Variants in SLC9A6 observed in about 807,000 individuals in gnomAD.
SLC9A6 encodes solute carrier family 9 member A6.
SLC9A6 carries 6 observed loss-of-function variants against 45.3 expected under a neutral mutation model. The ratio of observed to expected loss-of-function variants is 0.13; its 90% confidence interval spans 0.07 to 0.26. The LOEUF is 0.26. SLC9A6 is among the 10% of genes least tolerant of loss of function. The probability of loss-of-function intolerance (pLI) is 1.00; values close to 1 mark genes in which losing one functional copy is unlikely to be tolerated. For missense variants in SLC9A6, 278 were observed against 503.7 expected, an observed-to-expected ratio of 0.55 and a Z score of 4.29; for synonymous variants, 191 against 187.7, an observed-to-expected ratio of 1.02 and a Z score of -0.14.
intron 15 of SLC9A6, 117 bp downstream of exon 15, chrX:136,030,279 C>A: frequency 1.3e-6 from 1 of 752,005 alleles, no homozygotes; most frequent in Non-Finnish European, 2.1e-6. Flanking sequence ...TTTGCCTCAG[C>A]TTTGGAGGAA....
Position 136,046,410 on chromosome X carries a change from G to A in SLC9A6, c.*1686G>A, listed in dbSNP as rs1374852184. 8.9e-6 allele frequency: 1 copy of A among 112,675 alleles called. No homozygotes were observed. The highest frequency in any genetic ancestry group is 1.9e-5 in the Non-Finnish European group (1 of 53,305). 9.3% of individuals were successfully genotyped at this position (112,675 alleles called of 1,213,427 possible). The stretch of plus-strand genomic sequence containing the variant: ...GCTATGCAGGAATCCCTCCCATGAC[G>A]TGTATGTTTTACATGATGTGTGCCT... On this transcript the variant is annotated 3_prime_UTR_variant, in exon 18 of 18. Coordinates refer to ENST00000630721, the MANE Select transcript of SLC9A6 (RefSeq NM_001379110.1).
At chrX:136,036,773 T>A (rs782209968) in intron 16 of SLC9A6, among the ~76,000 whole-genome samples, 6 of 113,117 alleles carry the variant, frequency 5.3e-5, no homozygotes, top group South Asian at 7.3e-4. Flanking sequence ...GTTTTCTGTG[T>A]CTTAAGAAAT....
intron 2 of SLC9A6, among the ~76,000 whole-genome samples, chrX:135,990,796 TAAAAA>T (rs199753534): frequency 8.2e-5 from 9 of 109,198 alleles, no homozygotes; most frequent in African/African-American, 2.7e-4. Context: ...ATAAATAAAA[TAAAAA>T]AAAAGAACCA....
At chrX:135,973,995 C>A, upstream of SLC9A6, 1 of 878,587 alleles carries the variant, frequency 1.1e-6, no homozygotes, top group Non-Finnish European at 1.5e-6. Flanking sequence ...AGAGGAAGGG[C>A]GCCGGCAAAT....
intron 12 of SLC9A6, 36 bp downstream of exon 12, chrX:136,022,733 C>A: frequency 2.3e-6 from 2 of 857,136 alleles, no homozygotes; most frequent in Non-Finnish European, 3.4e-6. Context: ...CCACTTCAAG[C>A]AACCATTCAC....
intron 11 of SLC9A6, 38 bp downstream of exon 11, chrX:136,016,796 T>C: frequency 1.3e-6 from 1 of 789,546 alleles, no homozygotes; most frequent in Non-Finnish European, 1.9e-6. Flanking sequence ...AAAATATTTT[T>C]AATTGAGATT....
intron 3 of SLC9A6, among the ~76,000 whole-genome samples, chrX:135,996,398 C>A (rs900083906): frequency 1.8e-5 from 2 of 111,454 alleles, no homozygotes; most frequent in Admixed American, 9.6e-5. Flanking sequence ...GTTTACCTTG[C>A]AGCAGGAGTT....
intron 1 of SLC9A6, among the ~76,000 whole-genome samples, chrX:135,979,132 T>A (rs1393623446): frequency 9.0e-6 from 1 of 111,593 alleles, no homozygotes; most frequent in Non-Finnish European, 1.9e-5. Flanking sequence ...CAGTACTTAT[T>A]GTCTCAGTGA....
At chrX:135,977,677 A>C (rs1214809906) in intron 1 of SLC9A6, among the ~76,000 whole-genome samples, 1 of 111,543 alleles carries the variant, frequency 9.0e-6, no homozygotes, top group African/African-American at 3.3e-5. Context: ...GTAAACTAGT[A>C]CTTTCAATAT....
exon 1 of SLC9A6, chrX:135,974,713 C>T (rs1453135475): frequency 2.9e-6 from 1 of 339,519 alleles, no homozygotes; most frequent in East Asian, 9.8e-5. Context: ...GAGGCAGTGT[C>T]AGGACAAAAT....
chrX:135,994,715 A>G, intron 2 of SLC9A6, 71 bp from the exon 3 acceptor site: 2 of 988,788 alleles, frequency 2.0e-6, no homozygotes, highest in Non-Finnish European at 2.9e-6. Flanking sequence ...TCTCTTATCC[A>G]TAGTTATGCG....
chrX:136,026,779 G>A (rs892698575), intron 13 of SLC9A6, among the ~76,000 whole-genome samples: 3 of 111,555 alleles, frequency 2.7e-5, no homozygotes, highest in East Asian at 2.8e-4. Flanking sequence ...CAAGTGATTC[G>A]CCCGCCTCAG....
chrX:135,985,678 C>A lies in SLC9A6; in HGVS notation c.20C>A (p.Ser7Tyr). Residue 7 changes from serine (S) to tyrosine (Y), a missense_variant, in exon 2 of 18, where the codon TCC (serine) becomes TAC (tyrosine). Physicochemically the swap from Ser to Tyr is moderately radical, Grantham distance 144. Coordinates refer to ENST00000630721, the MANE Select transcript of SLC9A6 (RefSeq NM_001379110.1). Reference protein sequence around the residue: MDEEIVSEKQAEESHRQ... With the variant: MDEEIVYEKQAEESHRQ... Reference sequence around the variant, plus strand: ...AGAGCCATGGACGAGGAGATCGTGTCCGAGAAGCAAGCCGAGGAGAGCCAC... The same window carrying A: ...AGAGCCATGGACGAGGAGATCGTGTACGAGAAGCAAGCCGAGGAGAGCCAC... 5 of 1,211,864 alleles carry A rather than the reference C, an allele frequency of 4.1e-6. No homozygotes were observed. The highest frequency in any genetic ancestry group is 5.6e-6 in the Non-Finnish European group (5 of 895,496).
At chrX:136,003,168 T>C (rs1556617575) in intron 7 of SLC9A6, among the ~76,000 whole-genome samples, 1 of 109,956 alleles carries the variant, frequency 9.1e-6, no homozygotes, top group African/African-American at 3.3e-5. Flanking sequence ...TTTGTATTTT[T>C]AGTAGAGACG....
At chrX:136,005,662 C>T (rs1197850167) in intron 7 of SLC9A6, among the ~76,000 whole-genome samples, 3 of 79,486 alleles carry the variant, frequency 3.8e-5, no homozygotes, top group African/African-American at 1.5e-4. Flanking sequence ...GCCTGAGCAA[C>T]GGAGCGAGAC....
At position 135,987,921 on chromosome X, in the gene SLC9A6, G is replaced by T. The variant is rs536265569; in HGVS notation, c.169+2094G>T. Among the ~76,000 whole-genome samples the T allele has an allele frequency of 7.4e-4, 82 of 111,364 alleles. No homozygotes were observed. In the South Asian group the frequency reaches 0.031, roughly 41 times the overall value. ...AACTGACCCTTAAGTAAATGCCCAA[G>T]AAATGATAGCTGTGCTATTATTATT... On this transcript the variant is annotated intron_variant, in intron 2 of 17. Transcript: ENST00000630721.
chrX:136,017,474 GAA>G (rs1556619430), intron 11 of SLC9A6, among the ~76,000 whole-genome samples: 2 of 110,289 alleles, frequency 1.8e-5, no homozygotes, highest in African/African-American at 6.6e-5. Context: ...CTGAGTATAT[GAA>G]AGAGAGGAGG....
At chrX:135,998,810 A>G (rs782803069) in intron 5 of SLC9A6, 46 bp from the exon 6 acceptor site, 6 of 940,121 alleles carry the variant, frequency 6.4e-6, no homozygotes, top group Middle Eastern at 2.6e-4. Context: ...TAATTTTTTT[A>G]ACAGTTGATA....
At chrX:135,988,513 T>G (rs975707976) in intron 2 of SLC9A6, among the ~76,000 whole-genome samples, 3 of 105,746 alleles carry the variant, frequency 2.8e-5, no homozygotes, top group Non-Finnish European at 5.9e-5. Flanking sequence ...TTTCTTTCTT[T>G]CTCTCTCTTT....
Sources: allele counts gnomAD v4.1 joint callset (sites outside exome capture counted in the v4.1 genomes callset), GRCh38; gene constraint gnomAD v4.1.1; transcripts MANE v1.5; gene names NCBI Gene and HGNC (gene_info 2026-07-23, HGNC 2026-07-21).